RIC1: variants seen among roughly 807,000 people sequenced by gnomAD.
The protein encoded by RIC1 is guanine nucleotide exchange factor subunit RIC1.
RIC1 carries 88 observed loss-of-function variants against 169.0 expected under a neutral mutation model. That is an observed-to-expected ratio of 0.52 (90% CI 0.44 to 0.62). The LOEUF is 0.62. Ranked by LOEUF, RIC1 falls within the 20% of genes least tolerant of loss-of-function variation. The pLI is 0.00. For missense variants in RIC1, 1,877 were observed against 1,725.5 expected, an observed-to-expected ratio of 1.09 and a Z score of -1.56; for synonymous variants, 790 against 601.5, an observed-to-expected ratio of 1.31 and a Z score of -4.59.
At chr9:5,750,533 GA>G (rs1337659783) in intron 12 of RIC1, among the ~76,000 whole-genome samples, 1 of 151,884 alleles carries the variant, frequency 6.6e-6, no homozygotes, top group Non-Finnish European at 1.5e-5. Flanking sequence ...CTGCTAGGAG[GA>G]TGGCTCCCAC....
chr9:5,657,286 G>A (rs1025009270), intron 2 of RIC1, among the ~76,000 whole-genome samples: 3 of 151,282 alleles, frequency 2.0e-5, no homozygotes, highest in Non-Finnish European at 2.9e-5. Flanking sequence ...TCTATTAAAC[G>A]TGCCTAGATA....
chr9:5,752,321 T>A (rs1222609663), intron 12 of RIC1, among the ~76,000 whole-genome samples: 1 of 152,164 alleles, frequency 6.6e-6, no homozygotes, highest in Non-Finnish European at 1.5e-5. Context: ...CATACACTCT[T>A]TCATGTACAT....
At chr9:5,647,971 GTGA>G (rs746351361) in intron 1 of RIC1, among the ~76,000 whole-genome samples, 1,880 of 117,988 alleles carry the variant, frequency 0.016, 48 homozygotes, top group African/African-American at 0.074. Context: ...GGTGGTGGTG[GTGA>G]TGGTGGTGGT....
At position 5,681,617 on chromosome 9, in the gene RIC1, C is replaced by T. The variant is rs546761557; in HGVS notation, c.253-8342C>T. On this transcript the variant is annotated intron_variant, in intron 2 of 25. Transcript: ENST00000414202. The stretch of plus-strand genomic sequence containing the variant: ...TGTGTTGCTGAAAAGAATGTATATT[C>T]TGTTGATTTGGGGTGGAGAGTTCTG... Among the ~76,000 whole-genome samples, 23 of 152,290 alleles carry T rather than the reference C, an allele frequency of 1.5e-4. 1 individual carries two copies. The highest frequency in any genetic ancestry group is 3.3e-4 in the Admixed American group (5 of 15,294).
chr9:5,771,625 T>G (rs1827229823), intron 23 of RIC1, among the ~76,000 whole-genome samples: 1 of 152,190 alleles, frequency 6.6e-6, no homozygotes, highest in African/African-American at 2.4e-5. Flanking sequence ...TGCACCATTT[T>G]AAATTATCAG....
At chr9:5,730,493 T>C (rs1463110764) in intron 6 of RIC1, among the ~76,000 whole-genome samples, 1 of 152,054 alleles carries the variant, frequency 6.6e-6, no homozygotes, top group African/African-American at 2.4e-5. Context: ...TAGGTAAAAA[T>C]TAAAGGGCAA....
At chr9:5,698,379 T>C (rs1241125265) in intron 3 of RIC1, among the ~76,000 whole-genome samples, 1 of 152,210 alleles carries the variant, frequency 6.6e-6, no homozygotes, top group African/African-American at 2.4e-5. Flanking sequence ...GTTTGACTAG[T>C]GGTTGACCCA....
intron 1 of RIC1, among the ~76,000 whole-genome samples, chr9:5,649,218 C>T (rs1232432935): frequency 6.6e-6 from 1 of 152,100 alleles, no homozygotes; most frequent in African/African-American, 2.4e-5. Flanking sequence ...AAATTAATAC[C>T]AAGAGGAACT....
chr9:5,701,598 A>C (rs888353647), intron 3 of RIC1, among the ~76,000 whole-genome samples: 1 of 152,136 alleles, frequency 6.6e-6, no homozygotes, highest in African/African-American at 2.4e-5. Context: ...CATTTAAAAA[A>C]AAAAAAAAAG....
chr9:5,774,314 T>C lies in RIC1; in HGVS notation c.*68T>C. The C allele has an allele frequency of 3.0e-6, 4 of 1,354,500 alleles. No homozygotes were observed. The highest frequency in any genetic ancestry group is 2.3e-5 in the East Asian group (1 of 43,072). 83.9% of individuals were successfully genotyped at this position (1,354,500 alleles called of 1,614,324 possible). On this transcript the variant is annotated 3_prime_UTR_variant, in exon 26 of 26. Coordinates refer to ENST00000414202, the MANE Select transcript of RIC1 (RefSeq NM_020829.4). ...GCGTGCAGCTCAGTACGTTGTAACA[T>C]AGTTGGATGATTTAACAGGAGAACT...
intron 7 of RIC1, among the ~76,000 whole-genome samples, chr9:5,734,118 T>TTATTG (rs1824547887): frequency 6.7e-6 from 1 of 148,710 alleles, no homozygotes. Flanking sequence ...TTATTTTATT[T>TTATTG]TATTTTTTGA....
At chr9:5,761,392 G>A (rs1826332196) in intron 17 of RIC1, among the ~76,000 whole-genome samples, 1 of 152,012 alleles carries the variant, frequency 6.6e-6, no homozygotes, top group South Asian at 2.1e-4. Context: ...GGGATTACAG[G>A]TGTGAGCCAC....
chr9:5,766,354 T>A (rs1826752626), intron 21 of RIC1, among the ~76,000 whole-genome samples: 1 of 152,030 alleles, frequency 6.6e-6, no homozygotes, highest in African/African-American at 2.4e-5. Context: ...TGCTACAAAC[T>A]TTTTTTTCCC....
At chr9:5,639,702 C>T (rs771814243) in intron 1 of RIC1, among the ~76,000 whole-genome samples, 1 of 152,146 alleles carries the variant, frequency 6.6e-6, no homozygotes, top group Non-Finnish European at 1.5e-5. Flanking sequence ...CTCCAGCTAT[C>T]ATATTGAGGT....
intron 1 of RIC1, 142 bp downstream of exon 1, chr9:5,629,595 A>C (rs1182108231): frequency 8.1e-6 from 8 of 984,532 alleles, no homozygotes; most frequent in Non-Finnish European, 1.1e-5. Flanking sequence ...TCCTCGTTCC[A>C]CCGAATTGGC....
At position 5,762,623 on chromosome 9, in the gene RIC1, G is replaced by A. The variant is rs756524031; in HGVS notation, c.2075G>A (p.Arg692Gln). The change falls in exon 18 of 26, where the codon CGG (arginine) becomes CAG (glutamine). Residue 692 changes from arginine to glutamine, a missense_variant. Arg to Gln is a conservative substitution (Grantham distance 43). Transcript: ENST00000414202. ...AGGGACAGGTCAGGCCCACAGATCC[G>A]GGAGAAGGACAGTAACCCTAATAAC... ...MQRDRSGPQI[R>Q]EKDSNPNNQR... is the part of the protein sequence containing the mutation. The A allele has an allele frequency of 1.5e-5, 24 of 1,613,894 alleles. No individual in the cohort carries two copies. The highest frequency in any genetic ancestry group is 8.9e-5 in the East Asian group (4 of 44,806).
intron 22 of RIC1, 28 bp downstream of exon 22, chr9:5,769,284 AAGG>A (rs752211819): frequency 9.9e-6 from 16 of 1,613,982 alleles, no homozygotes; most frequent in Non-Finnish European, 3.4e-6. Flanking sequence ...TCACTTGTAC[AAGG>A]AGAATTGTAT....
intron 25 of RIC1, among the ~76,000 whole-genome samples, 158 bp from the exon 26 acceptor site, chr9:5,773,800 C>T (rs75871345): frequency 6.6e-6 from 1 of 152,158 alleles, no homozygotes; most frequent in Admixed American, 6.5e-5. Context: ...GGCAGGACAG[C>T]CAAGAAGCCT....
chr9:5,666,791 T>C (rs1224629941), intron 2 of RIC1, among the ~76,000 whole-genome samples: 1 of 132,072 alleles, frequency 7.6e-6, no homozygotes, highest in Non-Finnish European at 1.7e-5. Context: ...TCACACAATA[T>C]ATTGATTTAT....
Sources: allele counts gnomAD v4.1 joint callset (sites outside exome capture counted in the v4.1 genomes callset), GRCh38; gene constraint gnomAD v4.1.1; transcripts MANE v1.5; gene names NCBI Gene and HGNC (gene_info 2026-07-23, HGNC 2026-07-21).